WIPF3: variants seen among roughly 807,000 people sequenced by gnomAD.
WIPF3 encodes WAS/WASL interacting protein family member 3, also known as WAS/WASL-interacting protein family member 3.
In WIPF3, 33 loss-of-function variants were observed where a neutral mutation model predicts 38.9. The observed-to-expected ratio is 0.85, with a 90% CI of 0.64 to 1.14. WIPF3 has a LOEUF of 1.14. WIPF3 is among the 50% of genes most tolerant of loss of function. WIPF3 has a pLI of 0.00. For synonymous variants in WIPF3, 324 were observed against 269.3 expected, an observed-to-expected ratio of 1.20 and a Z score of -1.99; for missense variants, 711 against 652.5, an observed-to-expected ratio of 1.09 and a Z score of -0.98.
In WIPF3 at chr7:29,813,216, C is replaced by T. The variant is rs117002514; in HGVS notation, c.-58+6538C>T. Among the ~76,000 whole-genome samples, 603 of 152,334 alleles carry T rather than the reference C, an allele frequency of 4.0e-3. 2 individuals carry two copies. Among genetic ancestry groups the T allele is most frequent in the Non-Finnish European group, 6.1e-3 (416 of 68,032 alleles). ...TACTCTGATTTAAATAAATACCCATCCTTACTCATGTGGGTCCCCAAATTG... is the reference window on the plus strand; with the variant it reads ...TACTCTGATTTAAATAAATACCCATTCTTACTCATGTGGGTCCCCAAATTG... On this transcript the variant is annotated intron_variant, in intron 1 of 8. Coordinates refer to ENST00000242140, the MANE Select transcript of WIPF3 (RefSeq NM_001080529.3).
chr7:29,868,570 C>T (rs1221559392), intron 2 of WIPF3, among the ~76,000 whole-genome samples: 1 of 150,364 alleles, frequency 6.7e-6, no homozygotes, highest in Non-Finnish European at 1.5e-5. Context: ...AATATATGTA[C>T]ATATATGTGT....
At chr7:29,890,656 C>T (rs1199125264) in intron 7 of WIPF3, among the ~76,000 whole-genome samples, 1 of 152,250 alleles carries the variant, frequency 6.6e-6, no homozygotes, top group Non-Finnish European at 1.5e-5. Flanking sequence ...TCCTGCAGAG[C>T]AGAGGGAATG....
chr7:29,892,148 C>T (rs1435054718), intron 7 of WIPF3, among the ~76,000 whole-genome samples: 1 of 152,208 alleles, frequency 6.6e-6, no homozygotes, highest in Non-Finnish European at 1.5e-5. Context: ...CAACAGCAGG[C>T]CTCCTAATAC....
chr7:29,834,180 C>A (rs1305232766), intron 1 of WIPF3, among the ~76,000 whole-genome samples: 1 of 152,158 alleles, frequency 6.6e-6, no homozygotes, highest in Non-Finnish European at 1.5e-5. Context: ...CGCCCTAAGC[C>A]TTGCTCGAGG....
intron 5 of WIPF3, among the ~76,000 whole-genome samples, chr7:29,886,453 T>C (rs544183155): frequency 3.3e-5 from 5 of 150,732 alleles, no homozygotes; most frequent in Middle Eastern, 3.4e-3. Flanking sequence ...GCCTCCCAGG[T>C]TCAAGTGATT....
intron 1 of WIPF3, among the ~76,000 whole-genome samples, chr7:29,813,454 A>G (rs542587523): frequency 1.3e-4 from 20 of 152,240 alleles, no homozygotes; most frequent in African/African-American, 4.8e-4. Context: ...ACAGGGCAGG[A>G]CTCTGCTCAT....
chr7:29,844,782 G>A lies in WIPF3; in HGVS notation c.90+9968G>A, dbSNP rs1488427990. ...AGGCAGGTACTGTTCTCATTTTAAG[G>A]ATGAGCTAACTCAGGCACTGGGGGC... On this transcript the variant is annotated intron_variant, in intron 2 of 8. Coordinates refer to ENST00000242140, the MANE Select transcript of WIPF3 (RefSeq NM_001080529.3). The surrounding 1 kb of genome is among the most constrained non-coding windows in gnomAD (Gnocchi z 4.8). 6.6e-6 allele frequency among the ~76,000 whole-genome samples: 1 copy of A among 152,160 alleles called. No homozygotes were observed. The highest frequency in any genetic ancestry group is 1.5e-5 in the Non-Finnish European group (1 of 68,028).
intron 7 of WIPF3, among the ~76,000 whole-genome samples, chr7:29,897,453 T>C (rs1040877457): frequency 2.0e-5 from 3 of 152,260 alleles, no homozygotes; most frequent in African/African-American, 7.2e-5. Context: ...TTTCAATTTC[T>C]CTATATTCTC....
chr7:29,806,807 G>A (rs926518272), intron 1 of WIPF3, 129 bp downstream of exon 1: 1 of 151,594 alleles, frequency 6.6e-6, no homozygotes, highest in Non-Finnish European at 1.5e-5. Context: ...GAGGGCGTGG[G>A]AGGGCCGGGG....
intron 7 of WIPF3, among the ~76,000 whole-genome samples, chr7:29,897,108 T>C (rs1040763614): frequency 6.6e-6 from 1 of 152,216 alleles, no homozygotes; most frequent in South Asian, 2.1e-4. Flanking sequence ...AAGCCTGGTT[T>C]ATTTTACTTA....
At chr7:29,876,042 G>C in intron 3 of WIPF3, 80 bp downstream of exon 3, 1 of 1,556,238 alleles carries the variant, frequency 6.4e-7, no homozygotes, top group Admixed American at 1.8e-5. Flanking sequence ...ACCCCTGGCT[G>C]GGGCCACAGC....
In WIPF3 at chr7:29,889,310, C is replaced by T. The variant is rs1785957545; in HGVS notation, c.1254C>T (p.Asp418=). 1 of 1,613,592 alleles carries T rather than the reference C, an allele frequency of 6.2e-7. No individual in the cohort carries two copies. The highest frequency in any genetic ancestry group is 8.5e-7 in the Non-Finnish European group (1 of 1,179,612). The change falls in exon 7 of 9, where the codon GAC becomes GAT. Residue 418 remains aspartate (D), a synonymous_variant. Transcript: ENST00000242140. ...LRNGSLHIID[D]FESKFTFHSV... ...TTCCATTTCGCTTGTGTGCAGATGA[C>T]TTCGAGTCTAAATTCACGTTCCATT...
chr7:29,851,136 T>C (rs1378077481), intron 2 of WIPF3, among the ~76,000 whole-genome samples: 1 of 152,084 alleles, frequency 6.6e-6, no homozygotes, highest in Non-Finnish European at 1.5e-5. Context: ...CGTATTATGC[T>C]CTTGCCAGGC....
intron 8 of WIPF3, among the ~76,000 whole-genome samples, chr7:29,913,586 A>G (rs1360753159): frequency 3.9e-5 from 6 of 152,106 alleles, no homozygotes; most frequent in African/African-American, 7.2e-5. Flanking sequence ...GGCTCTTTAC[A>G]TTTTTCAGTT....
Sources: allele counts gnomAD v4.1 joint callset (sites outside exome capture counted in the v4.1 genomes callset), GRCh38; gene constraint gnomAD v4.1.1; non-coding constraint Gnocchi (gnomAD v3.1); transcripts MANE v1.5; gene names NCBI Gene and HGNC (gene_info 2026-07-23, HGNC 2026-07-21).